DAB1: variants seen among roughly 807,000 people sequenced by gnomAD.
The protein encoded by DAB1 is disabled homolog 1.
A neutral mutation model predicts 64.6 loss-of-function variants in DAB1; 15 were observed. The observed-to-expected ratio is 0.23, with a 90% CI of 0.16 to 0.36. The LOEUF (loss-of-function observed/expected upper bound fraction) is 0.36. Among genes scored for constraint, DAB1 ranks in the 10% least tolerant of loss-of-function variants. DAB1 has a pLI of 1.00. For synonymous variants in DAB1, 235 were observed against 251.9 expected, an observed-to-expected ratio of 0.93 and a Z score of 0.64; for missense variants, 596 against 706.7, an observed-to-expected ratio of 0.84 and a Z score of 1.78.
At chr1:57,373,345 G>A (rs146457100) in intron 1 of DAB1, among the ~76,000 whole-genome samples, 2 of 151,974 alleles carry the variant, frequency 1.3e-5, no homozygotes, top group African/African-American at 2.4e-5. Flanking sequence ...AACACATAAC[G>A]GGGCTGATAG....
chr1:58,003,374 A>T (rs966019503), intron 5 of DAB1, among the ~76,000 whole-genome samples: 14 of 152,210 alleles, frequency 9.2e-5, no homozygotes, highest in Middle Eastern at 3.2e-3. Context: ...ATGGAAATCC[A>T]ACTGACACTA....
rs537204357 is a variant in DAB1 at position 57,613,436 on chromosome 1, T to C, written n.625+36156A>G. On this transcript the variant is annotated intron_variant and non_coding_transcript_variant, in intron 7 of 20. Transcript: ENST00000485760. ...CAAGAACCCTAGGCTCTGTCAGATA[T>C]GTGCACCCCATGTATAAAAGCTGTT... Among the ~76,000 whole-genome samples the C allele has an allele frequency of 1.6e-3, 240 of 152,242 alleles. 2 individuals are homozygous for C. Among genetic ancestry groups the C allele is most frequent in the Non-Finnish European group, 3.2e-3 (216 of 68,016 alleles).
intron 1 of DAB1, among the ~76,000 whole-genome samples, chr1:58,541,158 G>A (rs1341605592): frequency 2.0e-5 from 3 of 151,224 alleles, no homozygotes; most frequent in African/African-American, 7.3e-5. Context: ...GGCAGGTGTG[G>A]TGGCACTTGC....
At chr1:58,366,794 G>T (rs1644221455) in intron 3 of DAB1, among the ~76,000 whole-genome samples, 1 of 152,202 alleles carries the variant, frequency 6.6e-6, no homozygotes, top group Non-Finnish European at 1.5e-5. Flanking sequence ...TGGAGTCACT[G>T]TATTAGTAAG....
intron 9 of DAB1, among the ~76,000 whole-genome samples, chr1:57,048,448 A>G (rs1313932713): frequency 6.6e-6 from 1 of 152,216 alleles, no homozygotes; most frequent in Non-Finnish European, 1.5e-5. Flanking sequence ...TTCTTTCTGT[A>G]GTTTTACAGC....
Position 57,291,073 on chromosome 1 carries a change from G to T in DAB1, c.-43C>A. 6.9e-7 allele frequency: 1 copy of T among 1,453,410 alleles called. No individual in the cohort carries two copies. The highest frequency in any genetic ancestry group is 9.5e-7 in the Non-Finnish European group (1 of 1,053,456). 90.0% of individuals were successfully genotyped at this position (1,453,410 alleles called of 1,614,324 possible). On this transcript the variant is annotated 5_prime_UTR_variant, in exon 2 of 15. Transcript: ENST00000371236. Reference sequence around the variant, plus strand: ...CCACTTCACACAGATCCCGGGCCTCGGCCAGGCTCATTGAGGACTCTTCTC... The same window carrying T: ...CCACTTCACACAGATCCCGGGCCTCTGCCAGGCTCATTGAGGACTCTTCTC...
At chr1:57,969,875 T>G (rs1645755750) in intron 5 of DAB1, among the ~76,000 whole-genome samples, 1 of 152,166 alleles carries the variant, frequency 6.6e-6, no homozygotes, top group Non-Finnish European at 1.5e-5. Context: ...GCTGAATATT[T>G]GTGTCTCTCC....
At chr1:58,513,195 C>A (rs1259315062) in intron 2 of DAB1, among the ~76,000 whole-genome samples, 1 of 152,064 alleles carries the variant, frequency 6.6e-6, no homozygotes, top group Non-Finnish European at 1.5e-5. Flanking sequence ...CTCATGGGAT[C>A]TGATGGTTTT....
chr1:57,919,800 T>C (rs1644782706), intron 5 of DAB1, among the ~76,000 whole-genome samples: 2 of 152,172 alleles, frequency 1.3e-5, no homozygotes, highest in South Asian at 4.1e-4. Context: ...TTATTCAATA[T>C]AAAATAATAT....
Position 57,036,489 on chromosome 1 carries a change from C to T in DAB1, c.724-10446G>A, listed in dbSNP as rs570553784. Among the ~76,000 whole-genome samples, 12 of 152,294 alleles carry T rather than the reference C, an allele frequency of 7.9e-5. No homozygotes were observed. The South Asian group carries it at 2.5e-3, about 32-fold the overall frequency. On this transcript the variant is annotated intron_variant, in intron 9 of 14. Transcript: ENST00000371236. ...CCAGCCAGTGGGGAGATGCTGCCAG[C>T]TAATAAATACACTTTTTCCCAGGTG...
Position 57,063,854 on chromosome 1 carries a change from T to C in DAB1, c.664-911A>G, listed in dbSNP as rs367927665. ...AAATGAGTCAACCAAGGGTTTTCAC[T>C]GAAAGATTCCAGATTGGAAGCACCC... On this transcript the variant is annotated intron_variant, in intron 8 of 14. Coordinates refer to ENST00000371236, the MANE Select transcript of DAB1 (RefSeq NM_001365792.1). Among the ~76,000 whole-genome samples, 10 of 152,360 alleles carry C rather than the reference T, an allele frequency of 6.6e-5. No homozygotes were observed. In the South Asian group the frequency reaches 2.1e-3, roughly 32 times the overall value.
chr1:57,694,473 A>G (rs1646800764), intron 6 of DAB1, among the ~76,000 whole-genome samples: 1 of 152,148 alleles, frequency 6.6e-6, no homozygotes, highest in African/African-American at 2.4e-5. Flanking sequence ...TAGAGAAACA[A>G]TTGACAACTT....
chr1:57,125,771 A>T (rs1657079926), intron 4 of DAB1, among the ~76,000 whole-genome samples: 1 of 152,204 alleles, frequency 6.6e-6, no homozygotes, highest in Non-Finnish European at 1.5e-5. Flanking sequence ...TGGCTGGAAT[A>T]AAGTGGGTTG....
chr1:57,581,643 C>T (rs529757687), intron 7 of DAB1, among the ~76,000 whole-genome samples: 10 of 150,482 alleles, frequency 6.6e-5, no homozygotes, highest in African/African-American at 1.9e-4. Flanking sequence ...AATATTTATA[C>T]ACAACTATAA....
chr1:57,533,705 T>A (rs997638389), intron 7 of DAB1, among the ~76,000 whole-genome samples: 4 of 151,930 alleles, frequency 2.6e-5, no homozygotes, highest in African/African-American at 9.7e-5. Context: ...TGACTTTTTT[T>A]TTAAATATTC....
chr1:58,338,602 T>C (rs1663176801), intron 4 of DAB1, among the ~76,000 whole-genome samples: 1 of 152,208 alleles, frequency 6.6e-6, no homozygotes, highest in Admixed American at 6.5e-5. Flanking sequence ...AATATATCCA[T>C]GAATAAGACA....
chr1:57,846,319 G>A (rs947322196), intron 1 of DAB1, among the ~76,000 whole-genome samples: 1 of 151,948 alleles, frequency 6.6e-6, no homozygotes, highest in Non-Finnish European at 1.5e-5. Context: ...TTAGCTGAGC[G>A]TGGTGGCAGG....
intron 3 of DAB1, among the ~76,000 whole-genome samples, chr1:58,416,853 TAGC>T: frequency 6.6e-6 from 1 of 152,248 alleles, no homozygotes; most frequent in East Asian, 1.9e-4. Context: ...GTGGAAGATG[TAGC>T]ATGCAAATTG....
chr1:58,169,417 T>C (rs923569522), intron 4 of DAB1, among the ~76,000 whole-genome samples: 8 of 152,214 alleles, frequency 5.3e-5, no homozygotes, highest in African/African-American at 1.9e-4. Context: ...TGGGAAACAT[T>C]CAGGCATCAA....
Sources: gnomAD v4.1 joint callset for allele counts (sites outside exome capture counted in the v4.1 genomes callset) on GRCh38, gnomAD v4.1.1 for gene constraint, MANE v1.5 for transcripts, NCBI Gene and HGNC (gene_info 2026-07-23, HGNC 2026-07-21) for gene names.